ARHGAP15: variants seen among roughly 807,000 people sequenced by gnomAD.
ARHGAP15 encodes the protein Rho GTPase activating protein 15.
In ARHGAP15, 51 loss-of-function variants were observed where a neutral mutation model predicts 63.7. The ratio of observed to expected loss-of-function variants is 0.80; its 90% confidence interval spans 0.64 to 1.01. The LOEUF (loss-of-function observed/expected upper bound fraction) is 1.01. ARHGAP15 is among the 50% of genes least tolerant of loss of function. ARHGAP15 has a pLI of 0.00. For missense variants in ARHGAP15, 560 were observed against 564.6 expected, an observed-to-expected ratio of 0.99 and a Z score of 0.08; for synonymous variants, 191 against 193.8, an observed-to-expected ratio of 0.99 and a Z score of 0.12.
chr2:143,430,442 C>T (rs1438043316), intron 6 of ARHGAP15, among the ~76,000 whole-genome samples: 2 of 151,934 alleles, frequency 1.3e-5, no homozygotes, highest in Admixed American at 6.6e-5. Flanking sequence ...CTTTGGTGGT[C>T]ATAAACACCT....
chr2:143,134,519 G>C (rs80197491), intron 1 of ARHGAP15, among the ~76,000 whole-genome samples: 1,990 of 152,202 alleles, frequency 0.013, 46 homozygotes, highest in African/African-American at 0.045. Context: ...TTTCTCAGCT[G>C]TATAACTAAA....
intron 6 of ARHGAP15, among the ~76,000 whole-genome samples, chr2:143,413,670 T>C (rs1005128994): frequency 6.6e-6 from 1 of 152,088 alleles, no homozygotes; most frequent in African/African-American, 2.4e-5. Flanking sequence ...GATGGGGTCT[T>C]ACTATGTTGC....
intron 6 of ARHGAP15, among the ~76,000 whole-genome samples, chr2:143,404,391 A>G (rs915708298): frequency 2.2e-4 from 34 of 152,016 alleles, no homozygotes; most frequent in Admixed American, 7.2e-4. Flanking sequence ...AGATATGTAT[A>G]GAATATAAAT....
At chr2:143,708,811 A>C (rs1684446240) in intron 13 of ARHGAP15, among the ~76,000 whole-genome samples, 1 of 152,118 alleles carries the variant, frequency 6.6e-6, no homozygotes, top group African/African-American at 2.4e-5. Context: ...AACTTCTCAG[A>C]GTGATTTTCA....
intron 13 of ARHGAP15, among the ~76,000 whole-genome samples, chr2:143,707,427 GTTT>G (rs1684379308): frequency 2.0e-5 from 3 of 152,270 alleles, no homozygotes; most frequent in Admixed American, 1.3e-4. Context: ...TCTTTTCTCT[GTTT>G]TCCAAAAACA....
intron 2 of ARHGAP15, among the ~76,000 whole-genome samples, chr2:143,170,013 TA>T (rs1205620151): frequency 6.6e-6 from 1 of 151,978 alleles, no homozygotes; most frequent in South Asian, 2.1e-4. Context: ...CCTGTTTGTA[TA>T]AAGTCCTTTT....
At chr2:143,237,603 A>G (rs1039129708) in intron 5 of ARHGAP15, 1 of 152,130 alleles carries the variant, frequency 6.6e-6, no homozygotes, top group African/African-American at 2.4e-5. Context: ...TTAGTGTCAC[A>G]CCCTACTTAA....
At chr2:143,623,109 A>C (rs1242631550) in intron 11 of ARHGAP15, among the ~76,000 whole-genome samples, 3 of 152,232 alleles carry the variant, frequency 2.0e-5, no homozygotes, top group African/African-American at 7.2e-5. Context: ...CCCCGAATCC[A>C]AAACCTTTTC....
intron 6 of ARHGAP15, among the ~76,000 whole-genome samples, chr2:143,405,055 T>A (rs1379387315): frequency 2.0e-5 from 3 of 151,920 alleles, no homozygotes; most frequent in African/African-American, 2.4e-5. Context: ...TTCCAAAGTA[T>A]GAAAATAATA....
At chr2:143,380,499 T>A (rs2104939780) in intron 6 of ARHGAP15, among the ~76,000 whole-genome samples, 1 of 152,282 alleles carries the variant, frequency 6.6e-6, no homozygotes, top group Non-Finnish European at 1.5e-5. Context: ...CCTTTTACCC[T>A]CAAGAGTGCT....
intron 6 of ARHGAP15, among the ~76,000 whole-genome samples, chr2:143,422,774 GC>G (rs1458370199): frequency 2.0e-5 from 3 of 152,074 alleles, no homozygotes; most frequent in Non-Finnish European, 4.4e-5. Context: ...GCTCTGCAGA[GC>G]CCCAGTTCCT....
At chr2:143,387,963 T>G (rs1259089272) in intron 6 of ARHGAP15, among the ~76,000 whole-genome samples, 1 of 151,888 alleles carries the variant, frequency 6.6e-6, no homozygotes, top group Non-Finnish European at 1.5e-5. Context: ...GCAAATGATA[T>G]TTAGAAGATC....
intron 10 of ARHGAP15, among the ~76,000 whole-genome samples, chr2:143,523,777 G>A (rs1221156672): frequency 6.6e-6 from 1 of 151,990 alleles, no homozygotes; most frequent in East Asian, 1.9e-4. Flanking sequence ...TGGTTAATAT[G>A]TACCCAAACT....
At chr2:143,199,572 G>A (rs1692024360) in intron 2 of ARHGAP15, among the ~76,000 whole-genome samples, 1 of 151,940 alleles carries the variant, frequency 6.6e-6, no homozygotes, top group Non-Finnish European at 1.5e-5. Flanking sequence ...TCCCAGCCAG[G>A]GTGTAAGGAA....
chr2:143,431,757 G>A (rs569640083), intron 6 of ARHGAP15, among the ~76,000 whole-genome samples: 1 of 152,032 alleles, frequency 6.6e-6, no homozygotes, highest in Non-Finnish European at 1.5e-5. Flanking sequence ...TTCTAGCAAT[G>A]TGCCTTGTAC....
At chr2:143,236,073 A>C in intron 5 of ARHGAP15, 3 of 1,391,376 alleles carry the variant, frequency 2.2e-6, no homozygotes, top group Non-Finnish European at 2.9e-6. Context: ...AATTTAGAAC[A>C]TCCATTCATT....
At chr2:143,432,024 C>G (rs1689410790) in intron 6 of ARHGAP15, among the ~76,000 whole-genome samples, 1 of 151,974 alleles carries the variant, frequency 6.6e-6, no homozygotes, top group African/African-American at 2.4e-5. Flanking sequence ...GTGTATCTAT[C>G]TATAACATTG....
At chr2:143,714,073 T>C (rs1453996769) in intron 13 of ARHGAP15, among the ~76,000 whole-genome samples, 1 of 152,190 alleles carries the variant, frequency 6.6e-6, no homozygotes, top group African/African-American at 2.4e-5. Flanking sequence ...ACATTTCCCT[T>C]CCGCAATGCC....
At chr2:143,224,277 AC>A (rs1693116313) in intron 4 of ARHGAP15, among the ~76,000 whole-genome samples, 1 of 152,340 alleles carries the variant, frequency 6.6e-6, no homozygotes, top group African/African-American at 2.4e-5. Context: ...CTACTAGGAA[AC>A]TAAGGAACAG....
Sources: gnomAD v4.1 joint callset for allele counts (sites outside exome capture counted in the v4.1 genomes callset) on GRCh38, gnomAD v4.1.1 for gene constraint, MANE v1.5 for transcripts, NCBI Gene and HGNC (gene_info 2026-07-23, HGNC 2026-07-21) for gene names.